ZNF740: variants seen among roughly 807,000 people sequenced by gnomAD.
The protein encoded by ZNF740 is zinc finger protein 740, also known as oriLyt TD-element-binding protein 7.
In ZNF740, 14 loss-of-function variants were observed where a neutral mutation model predicts 24.8. The ratio of observed to expected loss-of-function variants is 0.56; its 90% CI spans 0.37 to 0.88. The LOEUF is 0.88. Ranked by LOEUF, ZNF740 falls within the 40% of genes least tolerant of loss-of-function variation. The pLI is 0.00. For synonymous variants in ZNF740, 69 were observed against 84.0 expected, an observed-to-expected ratio of 0.82 and a Z score of 0.98; for missense variants, 201 against 247.9, an observed-to-expected ratio of 0.81 and a Z score of 1.27.
intron 1 of ZNF740, chr12:53,181,373 T>G (rs1209387043): frequency 3.3e-5 from 33 of 985,294 alleles, no homozygotes; most frequent in Non-Finnish European, 3.9e-5. Context: ...GCCGGCCCAC[T>G]GGGCACAAAA....
In ZNF740 at chr12:53,192,180, G is replaced by T; in HGVS notation, c.*4590G>T. The T allele has an allele frequency of 1.7e-6, 2 of 1,189,054 alleles. No homozygotes were observed. The highest frequency in any genetic ancestry group is 1.2e-6 in the Non-Finnish European group (1 of 843,284). 73.7% of individuals were successfully genotyped at this position (1,189,054 alleles called of 1,614,324 possible). On this transcript the variant is annotated 3_prime_UTR_variant, in exon 7 of 7. Coordinates refer to ENST00000416904, the MANE Select transcript of ZNF740 (RefSeq NM_001004304.4). ...CCTCACCGCCCAGGGCCTTAGCCTC[G>T]TCCACTTGCTCAATTGCCTCTGCCT...
At chr12:53,180,858 C>G in intron 1 of ZNF740, 21 bp downstream of exon 1, 1 of 1,257,448 alleles carries the variant, frequency 8.0e-7, no homozygotes, top group South Asian at 1.3e-5. Context: ...GCCCCAAAGA[C>G]CGCAGCGTCG....
At position 53,193,038 on chromosome 12, in the gene ZNF740, G is replaced by A. The variant is rs2272299; in HGVS notation, c.*5448G>A. The A allele has an allele frequency of 0.062, 85,429 of 1,370,930 alleles. 3,456 individuals are homozygous for A. Among genetic ancestry groups the A allele is most frequent in the East Asian group, 0.17 (7,121 of 41,022 alleles). 84.9% of individuals were successfully genotyped at this position (1,370,930 alleles called of 1,614,324 possible). On this transcript the variant is annotated 3_prime_UTR_variant, in exon 7 of 7. Transcript: ENST00000416904. ...AACCACACCCTCTAACCCATACACC[G>A]GAATCTTTTGATATTTGCCTTCCAT...
chr12:53,186,200 GTC>G, intron 5 of ZNF740, 123 bp downstream of exon 5: 1 of 1,346,526 alleles, frequency 7.4e-7, no homozygotes, highest in Non-Finnish European at 1.0e-6. Flanking sequence ...AAGAAGATAA[GTC>G]AATGAAGCAG....
intron 2 of ZNF740, 39 bp from the exon 3 acceptor site, chr12:53,184,852 C>T (rs747425809): frequency 1.4e-5 from 23 of 1,593,206 alleles, no homozygotes; most frequent in Non-Finnish European, 1.5e-5. Context: ...TTGCCCTGCC[C>T]TGCCAGGTGA....
chr12:53,192,737 G>A lies in ZNF740; in HGVS notation c.*5147G>A. On this transcript the variant is annotated 3_prime_UTR_variant, in exon 7 of 7. Transcript: ENST00000416904. ...TTGCAGCCTGGGCATTGGTCGCATA[G>A]AGCACCATAGTAGCCGTCCAAGCAC... The A allele has an allele frequency of 1.9e-6, 3 of 1,614,222 alleles. No homozygotes were observed. The highest frequency in any genetic ancestry group is 2.5e-6 in the Non-Finnish European group (3 of 1,180,048).
At position 53,193,863 on chromosome 12, in the gene ZNF740, G is replaced by A; in HGVS notation, c.*6273G>A. 1 of 1,613,902 alleles carries A rather than the reference G, an allele frequency of 6.2e-7. No homozygotes were observed. Among genetic ancestry groups the A allele is most frequent in the Non-Finnish European group, 8.5e-7 (1 of 1,179,924 alleles). On this transcript the variant is annotated 3_prime_UTR_variant, in exon 7 of 7. Coordinates refer to ENST00000416904, the MANE Select transcript of ZNF740 (RefSeq NM_001004304.4). ...GGAGCCTCAGGAGATGGGGCTCTGG[G>A]AGGCAGTGGGTGGCTTGGAGAGAAA... is the stretch of plus-strand genomic sequence containing the variant.
At position 53,194,211 on chromosome 12, in the gene ZNF740, C is replaced by T. The variant is rs114435093; in HGVS notation, c.*6621C>T. The T allele has an allele frequency of 6.4e-5, 103 of 1,614,048 alleles. 1 individual carries two copies. The African/African-American group carries it at 7.2e-4, about 11-fold the overall frequency. On this transcript the variant is annotated 3_prime_UTR_variant, in exon 7 of 7. Transcript: ENST00000416904. ...GCTGGCTCTCACCGTCTGGTTGATT[C>T]GGACGTGGTTGCACTGTCCTCGATC...
chr12:53,184,150 T>TGCAC (rs1231362349), intron 2 of ZNF740, among the ~76,000 whole-genome samples: 1 of 104,346 alleles, frequency 9.6e-6, no homozygotes, highest in African/African-American at 3.7e-5. Context: ...TGTGTGTGTG[T>TGCAC]GCGCGCGCGC....
chr12:53,181,560 CAT>C (rs1479997730), intron 1 of ZNF740, 115 bp from the exon 2 acceptor site: 1 of 950,024 alleles, frequency 1.1e-6, no homozygotes, highest in African/African-American at 1.8e-5. Flanking sequence ...CTTCTTGACT[CAT>C]GTCCTCGTTC....
rs1941657291 is a variant in ZNF740 at position 53,181,858 on chromosome 12, G to A, written c.-126G>A. The A allele has an allele frequency of 2.5e-6, 3 of 1,216,506 alleles. No homozygotes were observed. Among genetic ancestry groups the A allele is most frequent in the Non-Finnish European group, 3.5e-6 (3 of 851,736 alleles). 75.4% of individuals were successfully genotyped at this position (1,216,506 alleles called of 1,614,324 possible). Reference sequence around the variant, plus strand: ...GAAGACAAAGTTCAATATGGCAACAGGACTGATGGGACACGAAGGAGTCGC... The same window carrying A: ...GAAGACAAAGTTCAATATGGCAACAAGACTGATGGGACACGAAGGAGTCGC... On this transcript the variant is annotated 5_prime_UTR_variant, in exon 2 of 7. Transcript: ENST00000416904.
At chr12:53,181,039 G>A (rs1438177040) in intron 1 of ZNF740, 1 of 877,688 alleles carries the variant, frequency 1.1e-6, no homozygotes, top group Non-Finnish European at 1.4e-6. Flanking sequence ...CCGCGTCCCC[G>A]GCCCGGGAGA....
Position 53,181,951 on chromosome 12 carries a change from G to A in ZNF740, c.-33G>A, listed in dbSNP as rs759566041. ...AGGAAAGGTGGACCTAGGAACTCCT[G>A]AACTTTTGGGTTGCCTTAAGTGAGA... On this transcript the variant is annotated 5_prime_UTR_variant, in exon 2 of 7. Transcript: ENST00000416904. 1.2e-6 allele frequency: 2 copies of A among 1,602,922 alleles called. No individual in the cohort carries two copies. Among genetic ancestry groups the A allele is most frequent in the South Asian group, 1.1e-5 (1 of 88,780 alleles).
In ZNF740 at chr12:53,193,096, G is replaced by A. The variant is rs563933288; in HGVS notation, c.*5506G>A. ...GATTCCCAGAGCCTAAGTGCCTTGG[G>A]AAGGCCTCTCAGACCCCGCCCTTCT... is the stretch of plus-strand genomic sequence containing the variant. On this transcript the variant is annotated 3_prime_UTR_variant, in exon 7 of 7. Transcript: ENST00000416904. The A allele has an allele frequency of 6.5e-7, 1 of 1,544,880 alleles. No individual in the cohort carries two copies. The highest frequency in any genetic ancestry group is 1.2e-5 in the South Asian group (1 of 85,440).
intron 2 of ZNF740, among the ~76,000 whole-genome samples, chr12:53,184,148 T>TGTGTGTGTGTGTGTGTGTGTGTGC (rs1555175893): frequency 1.0e-5 from 1 of 100,296 alleles, no homozygotes; most frequent in East Asian, 2.9e-4. Flanking sequence ...TGTGTGTGTG[T>TGTGTGTGTGTGTGTGTGTGTGTGC]GTGCGCGCGC....
Position 53,192,025 on chromosome 12 carries a change from A to G in ZNF740, c.*4435A>G. On this transcript the variant is annotated 3_prime_UTR_variant, in exon 7 of 7. Transcript: ENST00000416904. Reference sequence around the variant, plus strand: ...CTGCGTGTGGTCTGCTCCCTCTGTGAACAAGAAACCAGACACACTTGTGGG... The same window carrying G: ...CTGCGTGTGGTCTGCTCCCTCTGTGGACAAGAAACCAGACACACTTGTGGG... 1 of 1,610,066 alleles carries G rather than the reference A, an allele frequency of 6.2e-7. No individual in the cohort carries two copies. The highest frequency in any genetic ancestry group is 8.5e-7 in the Non-Finnish European group (1 of 1,177,674).
At chr12:53,186,262 G>A in intron 5 of ZNF740, 129 bp from the exon 6 acceptor site, 1 of 1,142,904 alleles carries the variant, frequency 8.7e-7, no homozygotes, top group South Asian at 1.5e-5. Context: ...GCACCTTTGG[G>A]GACCTCTCCC....
In ZNF740 at chr12:53,192,240, G is replaced by A. The variant is rs565494668; in HGVS notation, c.*4650G>A. ...ATTCACAGTTCTGCTTCAGCCCCCA[G>A]CCTGTTTCCCATTATCTTCACTCTG... is the stretch of plus-strand genomic sequence containing the variant. On this transcript the variant is annotated 3_prime_UTR_variant, in exon 7 of 7. Transcript: ENST00000416904. 2.2e-4 allele frequency: 315 copies of A among 1,401,056 alleles called. 2 individuals are homozygous for A. The South Asian group carries it at 3.4e-3, about 15-fold the overall frequency. 86.8% of individuals were successfully genotyped at this position (1,401,056 alleles called of 1,614,324 possible).
Position 53,193,151 on chromosome 12 carries a change from A to T in ZNF740, c.*5561A>T, listed in dbSNP as rs1260406691. On this transcript the variant is annotated 3_prime_UTR_variant, in exon 7 of 7. Transcript: ENST00000416904. Reference sequence around the variant, plus strand: ...AAGGCTCCAGGTACCTCCGCAGAGGATGCCCTCATGTCGCTCACAGCTGGC... The same window carrying T: ...AAGGCTCCAGGTACCTCCGCAGAGGTTGCCCTCATGTCGCTCACAGCTGGC... 5 of 1,610,122 alleles carry T rather than the reference A, an allele frequency of 3.1e-6. No homozygotes were observed. Among genetic ancestry groups the T allele is most frequent in the Non-Finnish European group, 4.2e-6 (5 of 1,176,984 alleles).
Sources: allele counts gnomAD v4.1 joint callset (sites outside exome capture counted in the v4.1 genomes callset), GRCh38; gene constraint gnomAD v4.1.1; transcripts MANE v1.5; gene names NCBI Gene and HGNC (gene_info 2026-07-23, HGNC 2026-07-21).